ECHDC1: variants seen among roughly 807,000 people sequenced by gnomAD.
ECHDC1 encodes ethylmalonyl-CoA decarboxylase.
Under a neutral mutation model 29.7 loss-of-function variants are expected in ECHDC1, and 29 were observed. The ratio of observed to expected loss-of-function variants is 0.98; its 90% CI spans 0.73 to 1.33. The LOEUF (loss-of-function observed/expected upper bound fraction) is 1.33. Among genes scored for constraint, ECHDC1 ranks in the 40% most tolerant of loss-of-function variants. The probability of loss-of-function intolerance (pLI) is 0.00; values close to 1 mark genes in which losing one functional copy is unlikely to be tolerated. For missense variants in ECHDC1, 328 were observed against 350.0 expected (o/e 0.94, Z 0.50); for synonymous variants, 126 against 123.1 (o/e 1.02, Z -0.15).
At chr6:127,302,441 C>T (rs967302039) in intron 5 of ECHDC1, among the ~76,000 whole-genome samples, 1 of 151,830 alleles carries the variant, frequency 6.6e-6, no homozygotes, top group African/African-American at 2.4e-5. Context: ...CTCTTGTTGC[C>T]CAGGTTGGAG....
rs992583826 is a variant in ECHDC1, at chr6:127,317,044, A to G, written c.364-542T>C. Among the ~76,000 whole-genome samples the G allele has an allele frequency of 2.0e-5, 3 of 151,970 alleles. No individual in the cohort carries two copies. In the South Asian group the frequency reaches 6.2e-4, roughly 31 times the overall value. On this transcript the variant is annotated intron_variant, in intron 3 of 5. Coordinates refer to ENST00000454859, the MANE Select transcript of ECHDC1 (RefSeq NM_001002030.2). The stretch of plus-strand genomic sequence containing the variant: ...CCAGTGTAATCTGGCCCTCTGCCTT[A>G]TCCCAAAATCTCTCCTCAAAAGCTT...
intron 5 of ECHDC1, among the ~76,000 whole-genome samples, chr6:127,294,111 G>A (rs1431904474): frequency 1.3e-5 from 2 of 152,070 alleles, no homozygotes; most frequent in African/African-American, 2.4e-5. Flanking sequence ...TCCAATACAA[G>A]TAACAAGATA....
intron 3 of ECHDC1, among the ~76,000 whole-genome samples, chr6:127,318,756 A>T (rs1782599325): frequency 6.6e-6 from 1 of 152,170 alleles, no homozygotes; most frequent in Non-Finnish European, 1.5e-5. Context: ...TGTTGAACTT[A>T]AAAAAATTAG....
chr6:127,335,779 T>C (rs1285874302), intron 1 of ECHDC1, among the ~76,000 whole-genome samples: 2 of 152,128 alleles, frequency 1.3e-5, no homozygotes, highest in African/African-American at 4.8e-5. Flanking sequence ...AGTGGTCAAA[T>C]GTTACAAGTT....
At chr6:127,315,234 A>G (rs1041440773) in intron 4 of ECHDC1, 1 of 456,598 alleles carries the variant, frequency 2.2e-6, no homozygotes, top group Non-Finnish European at 4.2e-6. Context: ...GGAACTTCTC[A>G]GCAGCTGGCT....
At chr6:127,340,608 GC>G (rs1232854955) in intron 1 of ECHDC1, among the ~76,000 whole-genome samples, 1 of 152,178 alleles carries the variant, frequency 6.6e-6, no homozygotes, top group African/African-American at 2.4e-5. Flanking sequence ...CCTAGAATAT[GC>G]CGTTAATCAG....
intron 5 of ECHDC1, among the ~76,000 whole-genome samples, chr6:127,300,732 C>T (rs2114574711): frequency 6.6e-6 from 1 of 152,292 alleles, no homozygotes; most frequent in Admixed American, 6.5e-5. Context: ...GGGAATGAAT[C>T]CTCCCCTAGA....
rs1333823369 is a variant in ECHDC1 at position 127,341,101 on chromosome 6, T to G, written c.-3+2235A>C. Reference sequence around the variant, plus strand: ...TTTTTCCAAGAAAATCTTGTAATACTTCATGTATCCTTTCTCTATTAATTC... The same window carrying G: ...TTTTTCCAAGAAAATCTTGTAATACGTCATGTATCCTTTCTCTATTAATTC... On this transcript the variant is annotated intron_variant, in intron 1 of 5. Coordinates refer to ENST00000454859, the MANE Select transcript of ECHDC1 (RefSeq NM_001002030.2). Among the ~76,000 whole-genome samples the G allele has an allele frequency of 3.9e-5, 6 of 152,204 alleles. No homozygotes were observed. The East Asian group carries it at 1.2e-3, about 29-fold the overall frequency.
chr6:127,294,407 T>C (rs1206453472), intron 5 of ECHDC1: 1 of 152,200 alleles, frequency 6.6e-6, no homozygotes, highest in African/African-American at 2.4e-5. Flanking sequence ...CACACGTATA[T>C]TTTCCTGGCA....
At chr6:127,333,722 CAGT>C (rs1188202927) in intron 1 of ECHDC1, among the ~76,000 whole-genome samples, 5 of 148,310 alleles carry the variant, frequency 3.4e-5, no homozygotes, top group African/African-American at 1.2e-4. Flanking sequence ...CACAGTTTAC[CAGT>C]ATACCACCAG....
At chr6:127,304,347 G>A (rs992931420) in intron 5 of ECHDC1, among the ~76,000 whole-genome samples, 2 of 152,124 alleles carry the variant, frequency 1.3e-5, no homozygotes, top group South Asian at 2.1e-4. Context: ...ACGGGGCTTC[G>A]GGTGCCCTCT....
intron 3 of ECHDC1, among the ~76,000 whole-genome samples, chr6:127,324,378 G>A (rs182915204): frequency 9.0e-4 from 137 of 152,252 alleles, no homozygotes; most frequent in African/African-American, 3.2e-3. Flanking sequence ...CCATGGAGCT[G>A]AGGCTAAGAG....
intron 5 of ECHDC1, among the ~76,000 whole-genome samples, chr6:127,308,825 T>C (rs1325360920): frequency 2.0e-5 from 3 of 152,054 alleles, no homozygotes; most frequent in African/African-American, 4.8e-5. Flanking sequence ...AGTGAACAAT[T>C]TGAAAAAGAA....
chr6:127,334,449 A>G (rs188110171), intron 1 of ECHDC1, among the ~76,000 whole-genome samples: 139 of 152,264 alleles, frequency 9.1e-4, no homozygotes, highest in African/African-American at 3.2e-3. Context: ...ATATAATCTG[A>G]ATTAATACAA....
chr6:127,319,727 A>C (rs1211586561), intron 3 of ECHDC1, among the ~76,000 whole-genome samples: 1 of 152,226 alleles, frequency 6.6e-6, no homozygotes, highest in Non-Finnish European at 1.5e-5. Context: ...TACTAAAACA[A>C]GGTTTTCAAA....
chr6:127,289,089 G>GAA lies in ECHDC1; in HGVS notation c.*778_*779dup, dbSNP rs796444508. On this transcript the variant is annotated 3_prime_UTR_variant, in exon 6 of 6. Coordinates refer to ENST00000454859, the MANE Select transcript of ECHDC1 (RefSeq NM_001002030.2). ...TGTTAGAAGGTTAGTTGTTTTTCAG[G>GAA]AAAAAAAAGAAATCTGATGTAAAAA... The GAA allele has an allele frequency of 2.0e-5, 3 of 151,630 alleles. No individual in the cohort carries two copies. Among genetic ancestry groups the GAA allele is most frequent in the African/African-American group, 7.2e-5 (3 of 41,386 alleles). 9.4% of individuals were successfully genotyped at this position (151,630 alleles called of 1,614,324 possible).
At chr6:127,331,094 GTGTTAATA>G in intron 1 of ECHDC1, 64 bp from the exon 2 acceptor site, 1 of 1,236,172 alleles carries the variant, frequency 8.1e-7, no homozygotes, top group Non-Finnish European at 1.2e-6. Context: ...CTAATATTAT[GTGTTAATA>G]GGCTGTAGTA....
In ECHDC1 at chr6:127,309,480, AACACACACACACACACACAC is replaced by A. The variant is rs58621326; in HGVS notation, c.497+5316_497+5335del. On this transcript the variant is annotated intron_variant, in intron 5 of 5. Coordinates refer to ENST00000454859, the MANE Select transcript of ECHDC1 (RefSeq NM_001002030.2). ...AAAAAACCCAGAAAACAAACAACAA[AACACACACACACACACACAC>A]ACACACACACACACACACACACACA... Among the ~76,000 whole-genome samples the A allele has an allele frequency of 2.7e-3, 371 of 138,454 alleles. 6 individuals carry two copies. The highest frequency in any genetic ancestry group is 3.9e-3 in the African/African-American group (137 of 35,466). The allele number at this position is 138,454 out of a possible 152,430, so 90.8% of individuals were successfully genotyped here. A position where few individuals can be genotyped will look rare whatever the true frequency, so the allele number is the denominator to read the frequency against.
intron 4 of ECHDC1, chr6:127,315,678 T>A (rs3798853): frequency 7.4e-6 from 2 of 271,780 alleles, no homozygotes; most frequent in African/African-American, 2.3e-5. Context: ...TATGAAAAAG[T>A]CAAATGCAAT....
Sources: gnomAD v4.1 joint callset for allele counts (sites outside exome capture counted in the v4.1 genomes callset) on GRCh38, gnomAD v4.1.1 for gene constraint, MANE v1.5 for transcripts, NCBI Gene and HGNC (gene_info 2026-07-23, HGNC 2026-07-21) for gene names.